Variants in GPD1 observed in about 807,000 individuals in gnomAD.
The protein encoded by GPD1 is glycerol-3-phosphate dehydrogenase 1.
GPD1 carries 19 observed loss-of-function variants against 34.4 expected under a neutral mutation model. That is an observed-to-expected ratio of 0.55 (90% CI 0.39 to 0.81). GPD1 has a LOEUF of 0.81. GPD1 is among the 30% of genes least tolerant of loss of function. The pLI is 0.00. For synonymous variants in GPD1, 172 were observed against 174.1 expected, an observed-to-expected ratio of 0.99 and a Z score of 0.09; for missense variants, 429 against 447.0, an observed-to-expected ratio of 0.96 and a Z score of 0.36.
At chr12:50,105,271 C>T (rs1282923510) in intron 2 of GPD1, 1 of 478,166 alleles carries the variant, frequency 2.1e-6, no homozygotes, top group African/African-American at 1.9e-5. Context: ...CTTTTGGCCT[C>T]CCGCACTGTC....
chr12:50,106,979 G>A (rs770053213), intron 5 of GPD1, 62 bp downstream of exon 5: 5 of 953,702 alleles, frequency 5.2e-6, no homozygotes, highest in Non-Finnish European at 8.6e-6. Context: ...GTCTGGCTGA[G>A]CTCTGCAAGG....
rs1313741582 is a variant in GPD1, at chr12:50,104,067, T to C, written c.17T>C (p.Val6Ala). Reference protein sequence around the residue: MASKKVCIVGSGNWGS... With the variant: MASKKACIVGSGNWGS... The stretch of plus-strand genomic sequence containing the variant: ...CGCGGCACCATGGCTAGCAAGAAAG[T>C]CTGCATTGTAGGCTCCGGGAACTGG... The change falls in exon 1 of 8, where the codon GTC becomes GCC. Residue 6 changes from valine (V) to alanine (A), a missense_variant. Val to Ala is a moderately conservative substitution (Grantham distance 64). Transcript: ENST00000301149. The C allele has an allele frequency of 6.2e-7, 1 of 1,613,834 alleles. No individual in the cohort carries two copies. Among genetic ancestry groups the C allele is most frequent in the Non-Finnish European group, 8.5e-7 (1 of 1,179,902 alleles).
Position 50,104,398 on chromosome 12 carries a change from C to T in GPD1, c.42-176C>T, listed in dbSNP as rs1950963175. ...GTAGCAAAGGGTGAGGAGACTGAGT[C>T]TCCTTTCTACTGCCAGGTCACTGGG... On this transcript the variant is annotated intron_variant, in intron 1 of 7. Transcript: ENST00000301149. 3 of 715,500 alleles carry T rather than the reference C, an allele frequency of 4.2e-6. No individual in the cohort carries two copies. In the East Asian group the frequency reaches 8.0e-5, roughly 19 times the overall value. 44.3% of individuals were successfully genotyped at this position (715,500 alleles called of 1,614,324 possible).
chr12:50,104,506 G>A (rs1304160860), intron 1 of GPD1, 68 bp from the exon 2 acceptor site: 2 of 1,223,506 alleles, frequency 1.6e-6, no homozygotes, highest in African/African-American at 1.5e-5. Context: ...ATCCTGAGGT[G>A]GGGCGCTGCC....
At chr12:50,107,027 T>C in intron 5 of GPD1, 110 bp downstream of exon 5, 1 of 739,086 alleles carries the variant, frequency 1.4e-6, no homozygotes, top group Non-Finnish European at 2.5e-6. Context: ...GAGCAGTGGT[T>C]CCCCTTTCCT....
rs771677914 is a variant in GPD1, at chr12:50,106,348, G to C, written c.421G>C (p.Gly141Arg). ...LISEVIGERL[G>R]IPMSVLMGAN... ...CTCGGAAGTGATTGGGGAGCGCCTC[G>C]GCATCCCCATGAGTGTGCTGATGGG... is the stretch of plus-strand genomic sequence containing the variant. Residue 141 changes from glycine to arginine, a missense_variant, in exon 4 of 8, where the codon GGC becomes CGC. Coordinates refer to ENST00000301149, the MANE Select transcript of GPD1 (RefSeq NM_005276.4). 1.9e-6 allele frequency: 3 copies of C among 1,613,402 alleles called. No individual in the cohort carries two copies. Among genetic ancestry groups the C allele is most frequent in the Non-Finnish European group, 2.5e-6 (3 of 1,179,712 alleles).
chr12:50,105,987 C>T, intron 3 of GPD1: 2 of 646,232 alleles, frequency 3.1e-6, no homozygotes, highest in Non-Finnish European at 5.7e-6. Flanking sequence ...TGAAGAGTAG[C>T]TGGTTTGGAG....
Position 50,106,812 on chromosome 12 carries a change from G to A in GPD1, c.507G>A (p.Lys169=). The A allele has an allele frequency of 6.3e-7, 1 of 1,594,092 alleles. No individual in the cohort carries two copies. The highest frequency in any genetic ancestry group is 8.6e-7 in the Non-Finnish European group (1 of 1,167,146). Reference sequence around the variant, plus strand: ...GCCCCCTCCTCACTTTAGGCTGCAAGGACCCGGCCCAGGGACAACTCCTGA... The same window carrying A: ...GCCCCCTCCTCACTTTAGGCTGCAAAGACCCGGCCCAGGGACAACTCCTGA... ...EKFCETTIGC[K]DPAQGQLLKE... The change falls in exon 5 of 8, where the codon AAG becomes AAA. Residue 169 remains lysine (K), a synonymous_variant. Transcript: ENST00000301149.
chr12:50,106,854 A>G lies in GPD1; in HGVS notation c.549A>G (p.Thr183=). ...QGQLLKELMQ[T]PNFRITVVQE... The stretch of plus-strand genomic sequence containing the variant: ...AACTCCTGAAAGAGCTGATGCAGAC[A>G]CCAAACTTCCGTATCACAGTGGTGC... The change falls in exon 5 of 8, where the codon ACA becomes ACG. Residue 183 remains threonine, a synonymous_variant. Transcript: ENST00000301149. The G allele has an allele frequency of 1.9e-6, 3 of 1,613,296 alleles. No individual in the cohort carries two copies. The highest frequency in any genetic ancestry group is 2.5e-6 in the Non-Finnish European group (3 of 1,179,276).
At position 50,109,647 on chromosome 12, in the gene GPD1, A is replaced by C; in HGVS notation, c.*128A>C. ...AGTCTTCTCATCTTTTCACTGGAGG[A>C]CAGGAGGCTATGGGGCCCAGCTACG... is the stretch of plus-strand genomic sequence containing the variant. On this transcript the variant is annotated 3_prime_UTR_variant, in exon 8 of 8. Transcript: ENST00000301149. 1.6e-6 allele frequency: 1 copy of C among 625,786 alleles called. No individual in the cohort carries two copies. Among genetic ancestry groups the C allele is most frequent in the Non-Finnish European group, 2.9e-6 (1 of 344,524 alleles). The allele number at this position is 625,786 out of a possible 1,614,324, so 38.8% of individuals were successfully genotyped here.
intron 4 of GPD1, 108 bp downstream of exon 4, chr12:50,106,534 A>G: frequency 2.7e-6 from 3 of 1,107,852 alleles, no homozygotes; most frequent in South Asian, 1.4e-5. Flanking sequence ...GAGAAAGGAA[A>G]ATACAAGCAT....
intron 2 of GPD1, 104 bp from the exon 3 acceptor site, chr12:50,105,444 C>A: frequency 8.4e-7 from 1 of 1,183,896 alleles, no homozygotes; most frequent in Non-Finnish European, 1.2e-6. Context: ...AGCCTTCCTG[C>A]TCCCCTACCA....
intron 3 of GPD1, 91 bp from the exon 4 acceptor site, chr12:50,106,197 G>A: frequency 3.4e-6 from 4 of 1,179,708 alleles, no homozygotes; most frequent in Non-Finnish European, 4.7e-6. Context: ...GGACACAGAT[G>A]AGCAATGGAT....
rs1478165978 is a variant in GPD1 at position 50,109,432 on chromosome 12, G to A, written c.963G>A (p.Leu321=). ...QHKGLVDKFP[L]FMAVYKVCYE... ...TCCCTCTCCAATCTAGGTTTCCCTT[G>A]TTCATGGCTGTGTACAAGGTGTGCT... is the stretch of plus-strand genomic sequence containing the variant. The change falls in exon 8 of 8, where the codon TTG becomes TTA. Residue 321 remains leucine, a synonymous_variant. Transcript: ENST00000301149. 1 of 1,551,852 alleles carries A rather than the reference G, an allele frequency of 6.4e-7. No homozygotes were observed. The highest frequency in any genetic ancestry group is 8.9e-7 in the Non-Finnish European group (1 of 1,122,968).
chr12:50,104,434 C>T (rs1314245245), intron 1 of GPD1, 140 bp from the exon 2 acceptor site: 4 of 742,802 alleles, frequency 5.4e-6, no homozygotes, highest in Middle Eastern at 2.3e-4. Context: ...GACTATTTGT[C>T]ATGGGAGTGG....
At position 50,109,577 on chromosome 12, in the gene GPD1, C is replaced by T. The variant is rs916325861; in HGVS notation, c.*58C>T. On this transcript the variant is annotated 3_prime_UTR_variant, in exon 8 of 8. Coordinates refer to ENST00000301149, the MANE Select transcript of GPD1 (RefSeq NM_005276.4). ...TACCCCAGTGGAGACCAGCAGAAGC[C>T]TGGGGTACCTAGTCACCAGGATCTC... is the stretch of plus-strand genomic sequence containing the variant. 1 of 836,696 alleles carries T rather than the reference C, an allele frequency of 1.2e-6. No individual in the cohort carries two copies. The highest frequency in any genetic ancestry group is 2.1e-6 in the Non-Finnish European group (1 of 473,726). 51.8% of individuals were successfully genotyped at this position (836,696 alleles called of 1,614,324 possible). A position where few individuals can be genotyped will look rare whatever the true frequency, so the allele number is the denominator to read the frequency against.
intron 4 of GPD1, 112 bp downstream of exon 4, chr12:50,106,538 C>G: frequency 9.2e-7 from 1 of 1,085,180 alleles, no homozygotes; most frequent in Non-Finnish European, 1.4e-6. Context: ...AAGGAAAATA[C>G]AAGCATCAGA....
chr12:50,105,805 A>C, intron 3 of GPD1, 117 bp downstream of exon 3: 2 of 1,054,138 alleles, frequency 1.9e-6, no homozygotes, highest in South Asian at 2.7e-5. Context: ...TTTGCTGGAG[A>C]AAAGAGAGGC....
rs146725949 is a variant in GPD1 at position 50,104,181 on chromosome 12, G to A, written c.41+90G>A. The A allele has an allele frequency of 2.3e-5, 28 of 1,231,554 alleles. No homozygotes were observed. The East Asian group carries it at 6.5e-4, about 29-fold the overall frequency. 76.3% of individuals were successfully genotyped at this position (1,231,554 alleles called of 1,614,324 possible). A position where few individuals can be genotyped will look rare whatever the true frequency, so the allele number is the denominator to read the frequency against. On this transcript the variant is annotated intron_variant, in intron 1 of 7. Coordinates refer to ENST00000301149, the MANE Select transcript of GPD1 (RefSeq NM_005276.4). ...GCAGAATGGGTGGGAAAGGCCCTCA[G>A]GTTCCTGTTCAGCCCCTGCTGCTAT...
Sources: allele counts gnomAD v4.1 joint callset, GRCh38; gene constraint gnomAD v4.1.1; transcripts MANE v1.5; gene names NCBI Gene and HGNC (gene_info 2026-07-23, HGNC 2026-07-21).